Variants in PASD1 observed in about 807,000 individuals in gnomAD.
PASD1 encodes the protein circadian clock protein PASD1.
In PASD1, 13 loss-of-function variants were observed where a neutral mutation model predicts 58.8. The observed-to-expected ratio is 0.22, with a 90% CI of 0.14 to 0.35. The LOEUF is 0.35. Among genes scored for constraint, PASD1 ranks in the 10% least tolerant of loss-of-function variants. PASD1 has a pLI of 1.00. For synonymous variants in PASD1, 236 were observed against 216.7 expected (o/e 1.09, Z -0.78); for missense variants, 734 against 568.3 (o/e 1.29, Z -2.96).
chrX:151,614,943 A>T (rs1402896751), intron 4 of PASD1, among the ~76,000 whole-genome samples: 1 of 112,115 alleles, frequency 8.9e-6, no homozygotes, highest in Non-Finnish European at 1.9e-5. Flanking sequence ...TATTTGTAGG[A>T]TACCAAAACA....
chrX:151,633,302 T>C (rs773201432), intron 8 of PASD1, among the ~76,000 whole-genome samples: 38 of 111,004 alleles, frequency 3.4e-4, no homozygotes, highest in Non-Finnish European at 7.0e-4. Flanking sequence ...GCCAGATGAC[T>C]CTGTGCTCCG....
intron 3 of PASD1, among the ~76,000 whole-genome samples, chrX:151,611,366 C>G (rs938848164): frequency 9.0e-6 from 1 of 111,620 alleles, no homozygotes; most frequent in East Asian, 2.8e-4. Flanking sequence ...GTGAAACAAC[C>G]TACACATGGA....
chrX:151,675,930 C>T (rs1463178690), intron 15 of PASD1, 67 bp from the exon 16 acceptor site: 2 of 1,123,143 alleles, frequency 1.8e-6, no homozygotes, highest in African/African-American at 3.6e-5. Flanking sequence ...AGGATTCCTC[C>T]TACCACCAAA....
intron 8 of PASD1, among the ~76,000 whole-genome samples, chrX:151,643,607 TAAAC>T (rs948381907): frequency 2.7e-5 from 3 of 111,124 alleles, no homozygotes; most frequent in Admixed American, 9.6e-5. Context: ...AAAGTAAAAA[TAAAC>T]AAATTAGGGC....
chrX:151,586,140 T>A (rs1433280426), intron 1 of PASD1, among the ~76,000 whole-genome samples: 1 of 111,653 alleles, frequency 9.0e-6, no homozygotes, highest in Non-Finnish European at 1.9e-5. Context: ...AGAGCTTTCC[T>A]GGGCAAGAGT....
At chrX:151,619,411 A>T (rs188912188) in intron 4 of PASD1, among the ~76,000 whole-genome samples, 1 of 111,412 alleles carries the variant, frequency 9.0e-6, no homozygotes, top group East Asian at 2.8e-4. Flanking sequence ...TCATTAACAG[A>T]TAGGTGGTAT....
intron 11 of PASD1, among the ~76,000 whole-genome samples, chrX:151,668,211 A>G (rs1481226571): frequency 8.9e-6 from 1 of 111,847 alleles, no homozygotes. Flanking sequence ...AGTTTTTAGC[A>G]TGAAGGGTTG....
At chrX:151,596,451 C>T (rs1286086169) in intron 1 of PASD1, among the ~76,000 whole-genome samples, 1 of 112,211 alleles carries the variant, frequency 8.9e-6, no homozygotes, top group Non-Finnish European at 1.9e-5. Context: ...CCATTCATAA[C>T]CCAAACCTTC....
intron 1 of PASD1, among the ~76,000 whole-genome samples, chrX:151,569,442 T>G: frequency 8.9e-6 from 1 of 111,914 alleles, no homozygotes; most frequent in Non-Finnish European, 1.9e-5. Flanking sequence ...GGCAGGAATT[T>G]GAGGGGGAAA....
chrX:151,611,542 T>G, intron 3 of PASD1, 122 bp from the exon 4 acceptor site: 3 of 438,695 alleles, frequency 6.8e-6, no homozygotes, highest in Non-Finnish European at 1.1e-5. Flanking sequence ...CCTACTTTAT[T>G]GATATTTAAG....
chrX:151,656,208 G>A (rs909684474), intron 9 of PASD1, among the ~76,000 whole-genome samples: 2 of 111,221 alleles, frequency 1.8e-5, no homozygotes, highest in African/African-American at 6.6e-5. Context: ...TGTTCCATTG[G>A]TCTATATCTC....
At chrX:151,612,769 C>T (rs1236633930) in intron 4 of PASD1, among the ~76,000 whole-genome samples, 1 of 111,412 alleles carries the variant, frequency 9.0e-6, no homozygotes, top group African/African-American at 3.3e-5. Flanking sequence ...CTGTAGGTTG[C>T]CTGTTCACTC....
intron 1 of PASD1, among the ~76,000 whole-genome samples, chrX:151,575,322 C>G (rs1327631205): frequency 1.8e-5 from 2 of 110,452 alleles, no homozygotes; most frequent in African/African-American, 3.3e-5. Context: ...TCTGGAAAGT[C>G]TTGGTGGTTG....
intron 9 of PASD1, among the ~76,000 whole-genome samples, chrX:151,653,795 T>C (rs183876505): frequency 0.13 from 2,216 of 16,696 alleles, 238 homozygotes; most frequent in Non-Finnish European, 0.19. Flanking sequence ...TCTTTCTTTC[T>C]TTCTTTCCTT....
At chrX:151,617,831 G>A (rs1189017906) in intron 4 of PASD1, among the ~76,000 whole-genome samples, 1 of 111,460 alleles carries the variant, frequency 9.0e-6, no homozygotes, top group Middle Eastern at 4.6e-3. Flanking sequence ...AATTGGAGAA[G>A]CCTTAATTTG....
Position 151,621,493 on chromosome X carries a change from G to A in PASD1, c.319G>A (p.Glu107Lys), listed in dbSNP as rs754880690. 1 of 1,196,421 alleles carries A rather than the reference G, an allele frequency of 8.4e-7. No homozygotes were observed. The change falls in exon 6 of 16, where the codon GAA (glutamate) becomes AAA (lysine). Residue 107 changes from glutamate (E) to lysine (K), a missense_variant. Physicochemically the swap from Glu to Lys is moderately conservative, Grantham distance 56. Transcript: ENST00000370357. ...TCTCTTTTTACTAGAAACACATATT[G>A]AATTTTGCTGTCATTTAAAAAGAGG... ...FPLLNSETHI[E>K]FCCHLKRGNV...
At position 151,581,227 on chromosome X, in the gene PASD1, C is replaced by CAAAAAAAAA. The variant is rs55664238; in HGVS notation, c.-28+17406_-28+17414dup. On this transcript the variant is annotated intron_variant, in intron 1 of 15. Coordinates refer to ENST00000370357, the MANE Select transcript of PASD1 (RefSeq NM_173493.3). Reference sequence around the variant, plus strand: ...TAGGCAACAGAGTAAAGCTCTGTATCAAAAAAAAAAAAAAAAAAAAAAAAA... The same window carrying CAAAAAAAAA: ...TAGGCAACAGAGTAAAGCTCTGTATCAAAAAAAAAAAAAAAAAAAAAAAAAAAAAAAAAA... Among the ~76,000 whole-genome samples the CAAAAAAAAA allele has an allele frequency of 2.5e-4, 8 of 31,498 alleles. 1 individual carries two copies. The highest frequency in any genetic ancestry group is 7.8e-4 in the Admixed American group (1 of 1,286). The allele number at this position is 31,498 out of a possible 115,157, so 27.4% of individuals were successfully genotyped here.
chrX:151,566,463 C>T (rs1408023635), intron 1 of PASD1, among the ~76,000 whole-genome samples: 2 of 111,524 alleles, frequency 1.8e-5, no homozygotes. Context: ...TAGCATTTTC[C>T]GAAGCAGGAG....
At chrX:151,638,504 G>C (rs2124287560) in intron 8 of PASD1, among the ~76,000 whole-genome samples, 1 of 110,152 alleles carries the variant, frequency 9.1e-6, no homozygotes, top group Admixed American at 9.7e-5. Context: ...TATCAGGCAT[G>C]GTTCAGAGTA....
Sources: gnomAD v4.1 joint callset for allele counts (sites outside exome capture counted in the v4.1 genomes callset) on GRCh38, gnomAD v4.1.1 for gene constraint, MANE v1.5 for transcripts, NCBI Gene and HGNC (gene_info 2026-07-23, HGNC 2026-07-21) for gene names.